Variants in RAB3GAP2 observed in about 807,000 individuals in gnomAD.
RAB3GAP2 encodes rab3 GTPase-activating protein non-catalytic subunit.
A neutral mutation model predicts 185.3 loss-of-function variants in RAB3GAP2; 87 were observed. The ratio of observed to expected loss-of-function variants is 0.47; its 90% CI spans 0.39 to 0.56. The LOEUF is 0.56. Among genes scored for constraint, RAB3GAP2 ranks in the 20% least tolerant of loss-of-function variants. RAB3GAP2 has a pLI of 0.00. For synonymous variants in RAB3GAP2, 554 were observed against 576.1 expected (o/e 0.96, Z 0.55); for missense variants, 1,492 against 1,638.2 (o/e 0.91, Z 1.54).
intron 7 of RAB3GAP2, 58 bp downstream of exon 7, chr1:220,210,330 G>C: frequency 7.9e-7 from 1 of 1,269,842 alleles, no homozygotes. Flanking sequence ...AAAAAGAGGA[G>C]AGAAACTGCT....
At chr1:220,164,018 T>G (rs1658016395) in intron 27 of RAB3GAP2, among the ~76,000 whole-genome samples, 1 of 152,014 alleles carries the variant, frequency 6.6e-6, no homozygotes, top group Admixed American at 6.6e-5. Flanking sequence ...ATATCCTCAA[T>G]TCCTATAATG....
chr1:220,182,167 A>C, intron 21 of RAB3GAP2, 90 bp downstream of exon 21: 1 of 1,586,324 alleles, frequency 6.3e-7, no homozygotes, highest in Non-Finnish European at 8.5e-7. Context: ...TGATATCCTA[A>C]AAGACAATAG....
At position 220,210,800 on chromosome 1, in the gene RAB3GAP2, C is replaced by A; in HGVS notation, c.510+1G>T. ...TTCCAGCTGTTGAAAACTCAACTCA[C>A]CTCAGTGTAGAAGCGTACATAACCT... On this transcript the variant is annotated splice_donor_variant, in intron 6 of 34. Coordinates refer to ENST00000358951, the MANE Select transcript of RAB3GAP2 (RefSeq NM_012414.4). LOFTEE classifies it high-confidence loss of function. The A allele has an allele frequency of 6.2e-7, 1 of 1,612,316 alleles. No homozygotes were observed. The highest frequency in any genetic ancestry group is 8.5e-7 in the Non-Finnish European group (1 of 1,179,048).
chr1:220,168,890 A>G (rs1658122570), intron 24 of RAB3GAP2, among the ~76,000 whole-genome samples: 1 of 152,252 alleles, frequency 6.6e-6, no homozygotes, highest in African/African-American at 2.4e-5. Flanking sequence ...TCTATTGTTT[A>G]CCAAAACTTT....
chr1:220,239,150 T>C (rs1659645371), intron 1 of RAB3GAP2, among the ~76,000 whole-genome samples: 1 of 152,176 alleles, frequency 6.6e-6, no homozygotes, highest in Non-Finnish European at 1.5e-5. Flanking sequence ...ATACAACAAA[T>C]ACAAAAGATT....
chr1:220,202,517 G>T, intron 8 of RAB3GAP2, 143 bp from the exon 9 acceptor site: 1 of 845,940 alleles, frequency 1.2e-6, no homozygotes, highest in Non-Finnish European at 1.9e-6. Context: ...CATAAGGTGA[G>T]ATTTATTCAC....
chr1:220,203,683 CT>C (rs1346859379), intron 8 of RAB3GAP2, among the ~76,000 whole-genome samples: 1 of 152,006 alleles, frequency 6.6e-6, no homozygotes, highest in African/African-American at 2.4e-5. Flanking sequence ...AGGAAATTGC[CT>C]TTTGGCATAT....
chr1:220,214,976 A>ATATAT (rs1659162584), intron 2 of RAB3GAP2, among the ~76,000 whole-genome samples: 1 of 139,586 alleles, frequency 7.2e-6, no homozygotes, highest in Non-Finnish European at 1.6e-5. Flanking sequence ...ATATATATAT[A>ATATAT]CTTCTATACT....
chr1:220,235,897 T>A (rs1330915839), intron 1 of RAB3GAP2, among the ~76,000 whole-genome samples: 1 of 152,228 alleles, frequency 6.6e-6, no homozygotes, highest in East Asian at 1.9e-4. Flanking sequence ...TTACCCATTC[T>A]CAATGCCCCT....
At position 220,184,143 on chromosome 1, in the gene RAB3GAP2, C is replaced by G; in HGVS notation, c.1891G>C (p.Gly631Arg). 2 of 1,610,884 alleles carry G rather than the reference C, an allele frequency of 1.2e-6. No homozygotes were observed. The highest frequency in any genetic ancestry group is 1.1e-5 in the South Asian group (1 of 90,994). Reference protein sequence around the residue: ...KSQELESVDEGLLQFCANKLK... With the variant: ...KSQELESVDERLLQFCANKLK... Reference sequence around the variant, plus strand: ...TTATTGGCACAAAACTGTAGCAATCCTTCATCAACAGACTCAAGTTCTAAA... The same window carrying G: ...TTATTGGCACAAAACTGTAGCAATCGTTCATCAACAGACTCAAGTTCTAAA... Residue 631 changes from glycine to arginine, a missense_variant, in exon 19 of 35, where the codon GGA becomes CGA. Physicochemically the swap from Gly to Arg is moderately radical, Grantham distance 125. This residue lies in a region of RAB3GAP2 where 681 missense variants were observed against 689.1 expected (regional missense o/e 0.99). Coordinates refer to ENST00000358951, the MANE Select transcript of RAB3GAP2 (RefSeq NM_012414.4).
intron 24 of RAB3GAP2, among the ~76,000 whole-genome samples, chr1:220,170,124 T>C (rs1010204006): frequency 4.6e-5 from 7 of 152,102 alleles, no homozygotes; most frequent in African/African-American, 1.7e-4. Context: ...TGCAGAGACA[T>C]AGATGAAGCT....
At position 220,149,575 on chromosome 1, in the gene RAB3GAP2, A is replaced by C. The variant is rs779313713; in HGVS notation, c.*1676T>G. On this transcript the variant is annotated 3_prime_UTR_variant, in exon 35 of 35. Transcript: ENST00000358951. The stretch of plus-strand genomic sequence containing the variant: ...GAAAACATATAACAAGTGACTGTTA[A>C]CACAGAGCCAGATATGTTTACAAGA... The C allele has an allele frequency of 2.6e-5, 4 of 152,204 alleles. No homozygotes were observed. Among genetic ancestry groups the C allele is most frequent in the Non-Finnish European group, 5.9e-5 (4 of 68,040 alleles). The allele number at this position is 152,204 out of a possible 1,614,324, so 9.4% of individuals were successfully genotyped here.
intron 21 of RAB3GAP2, among the ~76,000 whole-genome samples, chr1:220,173,427 G>A (rs750228567): frequency 2.0e-5 from 3 of 152,140 alleles, no homozygotes; most frequent in African/African-American, 7.2e-5. Context: ...GAAAGGCCTT[G>A]ATTAATTATA....
chr1:220,176,943 C>A (rs1446470776), intron 21 of RAB3GAP2, among the ~76,000 whole-genome samples: 2 of 152,230 alleles, frequency 1.3e-5, no homozygotes, highest in Non-Finnish European at 2.9e-5. Context: ...TGTGCAGGAA[C>A]CTGCTGGGCG....
At chr1:220,189,555 T>A (rs1003996774) in intron 17 of RAB3GAP2, 148 bp downstream of exon 17, 1 of 686,198 alleles carries the variant, frequency 1.5e-6, no homozygotes, top group African/African-American at 1.9e-5. Flanking sequence ...GGAACTTCTA[T>A]CTGAAAATAA....
intron 9 of RAB3GAP2, among the ~76,000 whole-genome samples, chr1:220,197,975 T>C (rs945100016): frequency 1.3e-5 from 2 of 152,164 alleles, no homozygotes; most frequent in African/African-American, 2.4e-5. Context: ...CTCCTAGCTT[T>C]CCATCTCAAT....
At chr1:220,172,319 T>G (rs1658194056) in intron 22 of RAB3GAP2, among the ~76,000 whole-genome samples, 1 of 152,348 alleles carries the variant, frequency 6.6e-6, no homozygotes, top group African/African-American at 2.4e-5. Flanking sequence ...TTTAACAGAT[T>G]AATATTCTGA....
At chr1:220,219,036 T>C (rs1659253274) in intron 2 of RAB3GAP2, among the ~76,000 whole-genome samples, 1 of 152,214 alleles carries the variant, frequency 6.6e-6, no homozygotes, top group East Asian at 1.9e-4. Context: ...AGCTTAGCTA[T>C]AATATTTTGC....
rs373029041 is a variant in RAB3GAP2 at position 220,198,819 on chromosome 1, C to T, written c.812-2421G>A. ...CTTTGAAAGACATCAAAGTCCCTCT[C>T]AATATAAGTTTCCATAAAGTCAAAC... On this transcript the variant is annotated intron_variant, in intron 9 of 34. Transcript: ENST00000358951. Among the ~76,000 whole-genome samples, 3 of 152,100 alleles carry T rather than the reference C, an allele frequency of 2.0e-5. No homozygotes were observed. In the East Asian group the frequency reaches 5.8e-4, roughly 29 times the overall value.
Sources: gnomAD v4.1 joint callset for allele counts (sites outside exome capture counted in the v4.1 genomes callset) on GRCh38, gnomAD v4.1.1 for gene constraint, gnomAD v4.1.1 regional missense constraint, MANE v1.5 for transcripts, NCBI Gene and HGNC (gene_info 2026-07-23, HGNC 2026-07-21) for gene names.